The following PAK5 variants were observed in gnomAD, a reference collection of about 807,000 sequenced individuals.
The protein encoded by PAK5 is p21 (RAC1) activated kinase 5.
PAK5 carries 16 observed loss-of-function variants against 65.9 expected under a neutral mutation model. The ratio of observed to expected loss-of-function variants is 0.24; its 90% CI spans 0.16 to 0.37. The LOEUF is 0.37. PAK5 is among the 10% of genes least tolerant of loss of function. The pLI, the probability that PAK5 is intolerant of heterozygous loss-of-function variation, is 1.00. For synonymous variants in PAK5, 371 were observed against 354.9 expected, an observed-to-expected ratio of 1.05 and a Z score of -0.51; for missense variants, 785 against 903.9, an observed-to-expected ratio of 0.87 and a Z score of 1.69.
chr20:9,654,719 C>T (rs2047244637), intron 2 of PAK5, among the ~76,000 whole-genome samples: 1 of 152,128 alleles, frequency 6.6e-6, no homozygotes, highest in Admixed American at 6.5e-5. Flanking sequence ...CCCTTGGTAC[C>T]TCTCTAACTG....
At chr20:9,590,834 A>G (rs1002757686) in intron 3 of PAK5, among the ~76,000 whole-genome samples, 11 of 152,106 alleles carry the variant, frequency 7.2e-5, no homozygotes, top group African/African-American at 2.7e-4. Context: ...ACAACCCAAC[A>G]CTGTTCGCAA....
chr20:9,547,733 G>A (rs1458345645), intron 7 of PAK5, among the ~76,000 whole-genome samples: 1 of 152,176 alleles, frequency 6.6e-6, no homozygotes, highest in South Asian at 2.1e-4. Context: ...CCAAGGTCTT[G>A]TTACTTAAAG....
Position 9,544,512 on chromosome 20 carries a change from G to C in PAK5, c.1744-18C>G. On this transcript the variant is annotated intron_variant, in intron 7 of 9. Coordinates refer to ENST00000353224, the MANE Select transcript of PAK5 (RefSeq NM_177990.4). Reference sequence around the variant, plus strand: ...AACTTTATCTGAAAAGGAAAGGAATGCAACAAACTAGCAATTTTAAAACAA... The same window carrying C: ...AACTTTATCTGAAAAGGAAAGGAATCCAACAAACTAGCAATTTTAAAACAA... 6.2e-7 allele frequency: 1 copy of C among 1,611,640 alleles called. No homozygotes were observed. The highest frequency in any genetic ancestry group is 8.5e-7 in the Non-Finnish European group (1 of 1,177,800).
chr20:9,790,042 C>T (rs758652058), intron 1 of PAK5, among the ~76,000 whole-genome samples: 2 of 152,090 alleles, frequency 1.3e-5, no homozygotes. Context: ...GTTTAAGGAG[C>T]TTCATTCTCC....
intron 1 of PAK5, among the ~76,000 whole-genome samples, chr20:9,718,702 T>C (rs1241748432): frequency 1.3e-5 from 2 of 152,186 alleles, no homozygotes; most frequent in Non-Finnish European, 2.9e-5. Flanking sequence ...TTTTAACCTA[T>C]TGTCTTTACT....
chr20:9,783,541 G>A (rs192963199), intron 1 of PAK5, among the ~76,000 whole-genome samples: 4 of 152,114 alleles, frequency 2.6e-5, no homozygotes, highest in Admixed American at 6.6e-5. Flanking sequence ...CAACATCTTC[G>A]ATTCTATTTT....
chr20:9,678,797 C>T (rs936559779), intron 2 of PAK5, among the ~76,000 whole-genome samples: 2 of 152,078 alleles, frequency 1.3e-5, no homozygotes, highest in Admixed American at 1.3e-4. Flanking sequence ...ACTATCATGA[C>T]AACAGCATGG....
chr20:9,736,145 C>A (rs1269449356), intron 1 of PAK5, among the ~76,000 whole-genome samples: 1 of 151,982 alleles, frequency 6.6e-6, no homozygotes, highest in African/African-American at 2.4e-5. Flanking sequence ...AGCTGATCCA[C>A]CCACCTCGGC....
In PAK5 at chr20:9,675,664, C is replaced by T. The variant is rs571509655; in HGVS notation, c.-11-31325G>A. Among the ~76,000 whole-genome samples the T allele has an allele frequency of 3.9e-5, 6 of 152,218 alleles. No individual in the cohort carries two copies. The South Asian group carries it at 1.0e-3, about 26-fold the overall frequency. On this transcript the variant is annotated intron_variant, in intron 2 of 9. Coordinates refer to ENST00000353224, the MANE Select transcript of PAK5 (RefSeq NM_177990.4). ...AGCTCCAATTAATAATTAATTGTTC[C>T]AAATATTCATTTCTTCCCCATTCTG...
At chr20:9,793,489 C>A (rs2049071718) in intron 1 of PAK5, among the ~76,000 whole-genome samples, 1 of 151,988 alleles carries the variant, frequency 6.6e-6, no homozygotes, top group African/African-American at 2.4e-5. Flanking sequence ...GACAAGAATT[C>A]ATATCCTTTG....
At chr20:9,689,255 C>T in intron 2 of PAK5, among the ~76,000 whole-genome samples, 1 of 152,174 alleles carries the variant, frequency 6.6e-6, no homozygotes, top group African/African-American at 2.4e-5. Flanking sequence ...TTCTCAAACT[C>T]TGCTTCAGAA....
At position 9,802,096 on chromosome 20, in the gene PAK5, C is replaced by T. The variant is rs1035820859; in HGVS notation, c.-162+36666G>A. ...AGTAAAAGAGCAAGAATTTTTTTAA[C>T]CGGCTTTTGTTTCCCTTGGGTCACA... is the stretch of plus-strand genomic sequence containing the variant. On this transcript the variant is annotated intron_variant, in intron 1 of 9. Coordinates refer to ENST00000353224, the MANE Select transcript of PAK5 (RefSeq NM_177990.4). Among the ~76,000 whole-genome samples the T allele has an allele frequency of 5.9e-5, 9 of 152,258 alleles. No homozygotes were observed. The South Asian group carries it at 1.0e-3, about 18-fold the overall frequency.
At chr20:9,694,461 T>C (rs1359197263) in intron 2 of PAK5, among the ~76,000 whole-genome samples, 1 of 151,974 alleles carries the variant, frequency 6.6e-6, no homozygotes, top group East Asian at 1.9e-4. Context: ...CAGAAAAGGG[T>C]ACAGCTTAAC....
chr20:9,727,656 AT>A (rs1352038910), intron 1 of PAK5, among the ~76,000 whole-genome samples: 1 of 151,890 alleles, frequency 6.6e-6, no homozygotes, highest in Non-Finnish European at 1.5e-5. Flanking sequence ...TTATTTATTT[AT>A]TTATTCAATT....
At chr20:9,601,407 T>C (rs547731892) in intron 3 of PAK5, among the ~76,000 whole-genome samples, 2 of 152,308 alleles carry the variant, frequency 1.3e-5, no homozygotes, top group East Asian at 3.9e-4. Context: ...TTCCCCTTTA[T>C]TAATCTTTAT....
At chr20:9,588,270 C>A (rs769269045) in intron 3 of PAK5, among the ~76,000 whole-genome samples, 3 of 152,156 alleles carry the variant, frequency 2.0e-5, no homozygotes, top group Non-Finnish European at 4.4e-5. Context: ...GCCAACCAAC[C>A]AACCAAACAA....
chr20:9,792,753 T>C (rs554716590), intron 1 of PAK5, among the ~76,000 whole-genome samples: 1 of 152,272 alleles, frequency 6.6e-6, no homozygotes, highest in Non-Finnish European at 1.5e-5. Flanking sequence ...GTTATGGTAG[T>C]ATTCTCCAGC....
chr20:9,681,564 T>C (rs985698787), intron 2 of PAK5, among the ~76,000 whole-genome samples: 8 of 152,162 alleles, frequency 5.3e-5, no homozygotes, highest in African/African-American at 1.9e-4. Context: ...CTTTGAATAA[T>C]ATCCCTGGAG....
At chr20:9,835,701 T>A (rs149635745) in intron 1 of PAK5, among the ~76,000 whole-genome samples, 8 of 152,208 alleles carry the variant, frequency 5.3e-5, no homozygotes, top group Non-Finnish European at 1.0e-4. Flanking sequence ...TTTATCAAGA[T>A]GTATTTAGAG....
Sources: allele counts gnomAD v4.1 joint callset (sites outside exome capture counted in the v4.1 genomes callset), GRCh38; gene constraint gnomAD v4.1.1; transcripts MANE v1.5; gene names NCBI Gene and HGNC (gene_info 2026-07-23, HGNC 2026-07-21).